Variants in CYBA observed in about 807,000 individuals in gnomAD.
CYBA encodes cytochrome b-245 alpha chain, also known as cytochrome b-245 light chain.
In CYBA, 21 loss-of-function variants were observed where a neutral mutation model predicts 20.8. That is an observed-to-expected ratio of 1.01 (90% CI 0.72 to 1.46). The LOEUF is 1.46. Among genes scored for constraint, CYBA ranks in the 40% most tolerant of loss-of-function variants. The pLI is 0.00. For missense variants in CYBA, 344 were observed against 287.0 expected (o/e 1.20, Z -1.43); for synonymous variants, 164 against 127.5 (o/e 1.29, Z -1.93).
Position 88,643,713 on chromosome 16 carries a change from G to C in CYBA, c.370-142C>G, listed in dbSNP as rs1907175946. On this transcript the variant is annotated intron_variant, in intron 5 of 5. Transcript: ENST00000261623. This position sits in a 1 kb window ranked among gnomAD's most constrained non-coding sequence, Gnocchi z 4.3. ...CAGGATGGTGTGACTGCCACTCAGA[G>C]AGGTTAAGTGACGCGCCCGAGGCCA... 2.5e-6 allele frequency: 2 copies of C among 811,020 alleles called. No individual in the cohort carries two copies. Among genetic ancestry groups the C allele is most frequent in the Admixed American group, 2.2e-5 (1 of 45,556 alleles). 50.2% of individuals were successfully genotyped at this position (811,020 alleles called of 1,614,324 possible).
Position 88,643,460 on chromosome 16 carries a change from C to G in CYBA, c.481G>C (p.Ala161Pro). The G allele has an allele frequency of 6.5e-7, 1 of 1,533,026 alleles. No individual in the cohort carries two copies. The highest frequency in any genetic ancestry group is 2.0e-5 in the Admixed American group (1 of 50,696). The allele number at this position is 1,533,026 out of a possible 1,614,324, so 95.0% of individuals were successfully genotyped here. A position where few individuals can be genotyped will look rare whatever the true frequency, so the allele number is the denominator to read the frequency against. Residue 161 changes from alanine to proline, a missense_variant, in exon 6 of 6, where the codon GCC (alanine) becomes CCC (proline). By Grantham distance (27) the Ala-to-Pro change is conservative. Transcript: ENST00000261623. The surrounding 1 kb of genome is among the most constrained non-coding windows in gnomAD (Gnocchi z 4.3). ...TCGCTGGGCTTCTTGCGGGCCTCGGCCGGGGGCCGCGGCGGGGGGTTGCTG... is the reference window on the plus strand; with the variant it reads ...TCGCTGGGCTTCTTGCGGGCCTCGGGCGGGGGCCGCGGCGGGGGGTTGCTG... ...PPSNPPPRPP[A>P]EARKKPSEEE... is the part of the protein sequence containing the mutation.
In CYBA at chr16:88,643,545, C is replaced by A. The variant is rs933701832; in HGVS notation, c.396G>T (p.Thr132=). Residue 132 remains threonine (T), a synonymous_variant, in exon 6 of 6, where the codon ACG becomes ACT. Transcript: ENST00000261623. The surrounding 1 kb of genome is among the most constrained non-coding windows in gnomAD (Gnocchi z 4.3). ...GCTCCCGGGGCTTGGGCTCGATGGG[C>A]GTCCACTGCTCGCCACGCACAGCCG... ...LLAAVRGEQW[T]PIEPKPRERP... is the part of the protein sequence containing the mutation. 1 of 1,534,712 alleles carries A rather than the reference C, an allele frequency of 6.5e-7. No individual in the cohort carries two copies. Among genetic ancestry groups the A allele is most frequent in the Admixed American group, 2.0e-5 (1 of 51,018 alleles).
Position 88,643,927 on chromosome 16 carries a change from G to A in CYBA, c.370-356C>T, listed in dbSNP as rs1214246372. Among the ~76,000 whole-genome samples, 5 of 152,218 alleles carry A rather than the reference G, an allele frequency of 3.3e-5. No individual in the cohort carries two copies. Among genetic ancestry groups the A allele is most frequent in the Admixed American group, 3.3e-4 (5 of 15,290 alleles). On this transcript the variant is annotated intron_variant, in intron 5 of 5. Coordinates refer to ENST00000261623, the MANE Select transcript of CYBA (RefSeq NM_000101.4). This position sits in a 1 kb window ranked among gnomAD's most constrained non-coding sequence, Gnocchi z 4.3. ...AGGGAGGCAGGCCCGAGGTCCAGCA[G>A]GAGGGGTGGCCCAGGAGAGTAGCAG...
chr16:88,651,028 G>A lies in CYBA; in HGVS notation c.-15C>T. 1.3e-6 allele frequency: 2 copies of A among 1,589,802 alleles called. No homozygotes were observed. Among genetic ancestry groups the A allele is most frequent in the Middle Eastern group, 1.9e-4 (1 of 5,388 alleles). On this transcript the variant is annotated 5_prime_UTR_variant, in exon 1 of 6. Coordinates refer to ENST00000261623, the MANE Select transcript of CYBA (RefSeq NM_000101.4). ...ATCTGCCCCATGGCGACACGAACCCGGCTGGGACACTGCTAGGCGCGCACT... is the reference window on the plus strand; with the variant it reads ...ATCTGCCCCATGGCGACACGAACCCAGCTGGGACACTGCTAGGCGCGCACT...
chr16:88,650,324 A>T (rs940472779), intron 1 of CYBA: 19 of 454,790 alleles, frequency 4.2e-5, no homozygotes, highest in African/African-American at 3.6e-4. Flanking sequence ...CGCTGCCCTC[A>T]CCAGAACCTC....
Position 88,643,614 on chromosome 16 carries a change from C to CCACCCA in CYBA, c.370-44_370-43insTGGGTG. The CCACCCA allele has an allele frequency of 7.0e-7, 1 of 1,427,270 alleles. No individual in the cohort carries two copies. The highest frequency in any genetic ancestry group is 9.4e-7 in the Non-Finnish European group (1 of 1,061,282). The allele number at this position is 1,427,270 out of a possible 1,614,324, so 88.4% of individuals were successfully genotyped here. The stretch of plus-strand genomic sequence containing the variant: ...GTTGAGCCGCGCCCCAGCGCCCGCC[C>CCACCCA]TCCCTCCCTCCCTCCCTCCCCGGAG... On this transcript the variant is annotated intron_variant, in intron 5 of 5. Coordinates refer to ENST00000261623, the MANE Select transcript of CYBA (RefSeq NM_000101.4). The surrounding 1 kb of genome is among the most constrained non-coding windows in gnomAD (Gnocchi z 4.3).
At chr16:88,649,484 C>T (rs1907425840) in intron 1 of CYBA, among the ~76,000 whole-genome samples, 1 of 152,218 alleles carries the variant, frequency 6.6e-6, no homozygotes, top group African/African-American at 2.4e-5. Flanking sequence ...TATTCTGGCA[C>T]CCAGCCACAT....
At chr16:88,645,411 G>A (rs9940427) in intron 5 of CYBA, 28 of 702,246 alleles carry the variant, frequency 4.0e-5, no homozygotes, top group East Asian at 1.6e-4. Context: ...TTGCCTCTGC[G>A]GGCAGGAGGG....
chr16:88,646,027 C>A, intron 5 of CYBA, 89 bp downstream of exon 5: 1 of 1,120,468 alleles, frequency 8.9e-7, no homozygotes. Flanking sequence ...CCTACAGAGC[C>A]GGCTTCAAGG....
rs1230555610 is a variant in CYBA, at chr16:88,643,505, C to T, written c.436G>A (p.Gly146Ser). 6 of 1,534,590 alleles carry T rather than the reference C, an allele frequency of 3.9e-6. No individual in the cohort carries two copies. The highest frequency in any genetic ancestry group is 2.4e-5 in the East Asian group (1 of 40,842). Residue 146 changes from glycine to serine, a missense_variant, in exon 6 of 6, where the codon GGC (glycine) becomes AGC (serine). Coordinates refer to ENST00000261623, the MANE Select transcript of CYBA (RefSeq NM_000101.4). This position sits in a 1 kb window ranked among gnomAD's most constrained non-coding sequence, Gnocchi z 4.3. Reference protein sequence around the residue: ...PKPRERPQIGGTIKQPPSNPP... With the variant: ...PKPRERPQIGSTIKQPPSNPP... ...TTGCTGGGCGGCTGCTTGATGGTGC[C>T]TCCGATCTGCGGCCGCTCCCGGGGC...
chr16:88,650,270 C>T (rs1358704627), intron 1 of CYBA: 5 of 418,572 alleles, frequency 1.2e-5, no homozygotes, highest in South Asian at 8.4e-5. Context: ...GGGCCAGACA[C>T]TCCCTGGCCC....
rs144415586 is a variant in CYBA at position 88,643,727 on chromosome 16, C to T, written c.370-156G>A. On this transcript the variant is annotated intron_variant, in intron 5 of 5. Coordinates refer to ENST00000261623, the MANE Select transcript of CYBA (RefSeq NM_000101.4). The surrounding 1 kb of genome is among the most constrained non-coding windows in gnomAD (Gnocchi z 4.3). Reference sequence around the variant, plus strand: ...TGCCACTCAGAGAGGTTAAGTGACGCGCCCGAGGCCACACAGCCAGGACCT... The same window carrying T: ...TGCCACTCAGAGAGGTTAAGTGACGTGCCCGAGGCCACACAGCCAGGACCT... The T allele has an allele frequency of 1.3e-3, 978 of 732,042 alleles. 11 individuals are homozygous for T. In the East Asian group the frequency reaches 0.021, roughly 16 times the overall value. The allele number at this position is 732,042 out of a possible 1,614,324, so 45.3% of individuals were successfully genotyped here. A position where few individuals can be genotyped will look rare whatever the true frequency, so the allele number is the denominator to read the frequency against.
rs1054606892 is a variant in CYBA at position 88,648,861 on chromosome 16, C to T, written c.59-747G>A. On this transcript the variant is annotated intron_variant, in intron 1 of 5. Coordinates refer to ENST00000261623, the MANE Select transcript of CYBA (RefSeq NM_000101.4). ...CTCGAACTCCTGACCTCAGGGAATC[C>T]GCCCGCCTTGGCCTCCCAGAGTGTT... Among the ~76,000 whole-genome samples the T allele has an allele frequency of 1.1e-4, 17 of 152,126 alleles. No individual in the cohort carries two copies. The South Asian group carries it at 1.2e-3, about 11-fold the overall frequency.
rs1475173361 is a variant in CYBA, at chr16:88,646,149, G to T, written c.336C>A (p.Ala112=). 1 of 1,559,928 alleles carries T rather than the reference G, an allele frequency of 6.4e-7. No individual in the cohort carries two copies. Among genetic ancestry groups the T allele is most frequent in the Non-Finnish European group, 8.7e-7 (1 of 1,153,856 alleles). The change falls in exon 5 of 6, where the codon GCC becomes GCA. Residue 112 remains alanine (A), a synonymous_variant. Transcript: ENST00000261623. ...GFLLATILGT[A]CLAIASGIYL... is the part of the protein sequence containing the mutation. Reference sequence around the variant, plus strand: ...AGATGCCGCTCGCAATGGCCAGGCAGGCGGTCCCAAGGATGGTGGCCAGCA... The same window carrying T: ...AGATGCCGCTCGCAATGGCCAGGCATGCGGTCCCAAGGATGGTGGCCAGCA...
At position 88,648,014 on chromosome 16, in the gene CYBA, C is replaced by A. The variant is rs372615824; in HGVS notation, c.128+31G>T. On this transcript the variant is annotated intron_variant, in intron 2 of 5. Coordinates refer to ENST00000261623, the MANE Select transcript of CYBA (RefSeq NM_000101.4). ...TCCCCAGCTCTGCCCTGGGCGTTCC[C>A]CGCCCACCCCAGCCTCAGGTGGAAG... 9 of 1,594,978 alleles carry A rather than the reference C, an allele frequency of 5.6e-6. No homozygotes were observed. In the African/African-American group the frequency reaches 1.2e-4, roughly 21 times the overall value.
chr16:88,649,987 G>A (rs1284677264), intron 1 of CYBA, among the ~76,000 whole-genome samples: 3 of 152,158 alleles, frequency 2.0e-5, no homozygotes, highest in Admixed American at 6.5e-5. Flanking sequence ...CGAAGCAGGC[G>A]GTCACTTTCC....
Position 88,647,115 on chromosome 16 carries a change from G to A in CYBA, c.189C>T (p.Ser63=), listed in dbSNP as rs1353086993. Residue 63 remains serine (S), a synonymous_variant, in exon 3 of 6, where the codon TCC becomes TCT. Transcript: ENST00000261623. The part of the protein sequence containing the change: ...EYPRGKRKKG[S]TMERWGQKYM... ...AGGAGACTCACCAGCGCTCCATGGT[G>A]GAGCCCTTCTTCCTCTTCCCCCGGG... The A allele has an allele frequency of 7.4e-6, 12 of 1,611,178 alleles. No individual in the cohort carries two copies. The highest frequency in any genetic ancestry group is 3.3e-4 in the Middle Eastern group (2 of 6,084).
intron 1 of CYBA, chr16:88,650,296 C>A: frequency 2.3e-6 from 1 of 443,266 alleles, no homozygotes; most frequent in Non-Finnish European, 4.6e-6. Context: ...CCGAGAGGGT[C>A]CATTTCCAAA....
intron 5 of CYBA, chr16:88,645,348 C>G (rs781421461): frequency 3.5e-4 from 247 of 702,468 alleles, no homozygotes; most frequent in Middle Eastern, 6.9e-4. Flanking sequence ...ACAGAAAGTG[C>G]TGCACCTTTC....
Sources: allele counts gnomAD v4.1 joint callset (sites outside exome capture counted in the v4.1 genomes callset), GRCh38; gene constraint gnomAD v4.1.1; non-coding constraint Gnocchi (gnomAD v3.1); transcripts MANE v1.5; gene names NCBI Gene and HGNC (gene_info 2026-07-23, HGNC 2026-07-21).